Variants in PIK3C2G observed in about 807,000 individuals in gnomAD.
The protein encoded by PIK3C2G is phosphatidylinositol-4-phosphate 3-kinase catalytic subunit type 2 gamma.
A neutral mutation model predicts 181.1 loss-of-function variants in PIK3C2G; 168 were observed. The ratio of observed to expected loss-of-function variants is 0.93; its 90% CI spans 0.82 to 1.05. The LOEUF (loss-of-function observed/expected upper bound fraction) is 1.05, where lower values mean the gene tolerates loss of function less well. Among genes scored for constraint, PIK3C2G ranks in the 50% least tolerant of loss-of-function variants. The probability of loss-of-function intolerance (pLI) is 0.00; values close to 1 mark genes in which losing one functional copy is unlikely to be tolerated. For synonymous variants in PIK3C2G, 573 were observed against 592.2 expected (o/e 0.97, Z 0.47); for missense variants, 1,869 against 1,732.8 (o/e 1.08, Z -1.40).
intron 7 of PIK3C2G, among the ~76,000 whole-genome samples, chr12:18,324,048 G>C (rs973643551): frequency 2.0e-5 from 3 of 151,958 alleles, no homozygotes; most frequent in African/African-American, 7.2e-5. Flanking sequence ...GTGAAACCCC[G>C]TCTCTACTAA....
At chr12:18,359,130 G>A (rs1226187479) in intron 11 of PIK3C2G, among the ~76,000 whole-genome samples, 1 of 152,216 alleles carries the variant, frequency 6.6e-6, no homozygotes, top group Non-Finnish European at 1.5e-5. Flanking sequence ...CTCTCCTCAA[G>A]CTGTAAGCAC....
intron 18 of PIK3C2G, among the ~76,000 whole-genome samples, chr12:18,473,823 T>C (rs908478995): frequency 1.3e-5 from 2 of 152,204 alleles, no homozygotes; most frequent in African/African-American, 4.8e-5. Flanking sequence ...GGTACAGAAC[T>C]TGAATATCCT....
chr12:18,688,261 A>G, the PIK3C2G span: 1 of 1,557,608 alleles, frequency 6.4e-7, no homozygotes, highest in Non-Finnish European at 8.7e-7. Flanking sequence ...CAAGATATTA[A>G]GTTACATCAC....
At chr12:18,317,331 AT>A (rs1037531502) in intron 6 of PIK3C2G, among the ~76,000 whole-genome samples, 13 of 149,444 alleles carry the variant, frequency 8.7e-5, no homozygotes, top group East Asian at 3.9e-4. Context: ...TAGTTTCAGG[AT>A]TTTTTTTTTC....
chr12:18,566,964 G>A lies in PIK3C2G; in HGVS notation c.3918G>A (p.Trp1306Ter), dbSNP rs759134545. The change falls in exon 29 of 33, where the codon TGG (tryptophan) becomes TGA (stop). Residue 1306 changes from tryptophan (W) to a stop codon, truncating the protein, a stop_gained. Coordinates refer to ENST00000538779, the MANE Select transcript of PIK3C2G (RefSeq NM_001288772.2). LOFTEE classifies it high-confidence loss of function. ...CTTAAAACAGGTTTCCTCATTGGTG[G>A]CACCTACCTTTTACAAATTCAGATC... ...SLTLPEFPHW[W>*]HLPFTNSDHR... 5 of 1,589,070 alleles carry A rather than the reference G, an allele frequency of 3.1e-6. No homozygotes were observed. The South Asian group carries it at 4.5e-5, about 14-fold the overall frequency.
intron 24 of PIK3C2G, among the ~76,000 whole-genome samples, chr12:18,531,070 C>T (rs1423062060): frequency 6.6e-6 from 1 of 152,020 alleles, no homozygotes; most frequent in Non-Finnish European, 1.5e-5. Context: ...CTTCACATGC[C>T]TTATGTAATG....
intron 18 of PIK3C2G, among the ~76,000 whole-genome samples, chr12:18,451,197 C>G (rs1469387394): frequency 6.6e-6 from 1 of 152,112 alleles, no homozygotes; most frequent in Non-Finnish European, 1.5e-5. Context: ...ATTGATTTTT[C>G]CTATCCATGA....
At chr12:18,723,648 T>A in the PIK3C2G span, 1 of 911,216 alleles carries the variant, frequency 1.1e-6, no homozygotes, top group East Asian at 2.6e-5. Flanking sequence ...TGAAAGAAGA[T>A]GAAAATTACA....
At chr12:18,379,516 A>T (rs1942690164) in intron 13 of PIK3C2G, among the ~76,000 whole-genome samples, 1 of 152,200 alleles carries the variant, frequency 6.6e-6, no homozygotes, top group African/African-American at 2.4e-5. Flanking sequence ...AGTATAATTT[A>T]AAAAAATGCT....
intron 12 of PIK3C2G, among the ~76,000 whole-genome samples, chr12:18,368,292 T>C (rs1941785669): frequency 6.6e-6 from 1 of 152,210 alleles, no homozygotes; most frequent in South Asian, 2.1e-4. Flanking sequence ...TATAATGCGG[T>C]ATACAACCTA....
chr12:18,500,584 A>C (rs1164071967), intron 22 of PIK3C2G, among the ~76,000 whole-genome samples: 1 of 152,166 alleles, frequency 6.6e-6, no homozygotes, highest in Non-Finnish European at 1.5e-5. Flanking sequence ...TGCGAGATCC[A>C]CTGGGTGACG....
the PIK3C2G span, among the ~76,000 whole-genome samples, chr12:18,704,123 G>T: frequency 6.6e-6 from 1 of 152,152 alleles, no homozygotes; most frequent in Non-Finnish European, 1.5e-5. Context: ...TTCAGGGAAA[G>T]GAAGTGGAGG....
At chr12:18,264,083 C>G (rs1462849682) in intron 1 of PIK3C2G, among the ~76,000 whole-genome samples, 2 of 152,094 alleles carry the variant, frequency 1.3e-5, no homozygotes, top group Admixed American at 6.5e-5. Flanking sequence ...TCATTCTTTG[C>G]TTCCTACCGG....
intron 26 of PIK3C2G, among the ~76,000 whole-genome samples, chr12:18,550,337 G>T (rs143532628): frequency 0.011 from 1,639 of 152,084 alleles, 27 homozygotes; most frequent in African/African-American, 0.037. Context: ...AGCAGCCTGG[G>T]ATAATTAAAA....
intron 15 of PIK3C2G, among the ~76,000 whole-genome samples, chr12:18,392,190 T>C (rs1021798494): frequency 6.6e-6 from 1 of 152,106 alleles, no homozygotes; most frequent in South Asian, 2.1e-4. Flanking sequence ...TGAGAAGACA[T>C]AACTTGATGA....
intron 30 of PIK3C2G, among the ~76,000 whole-genome samples, chr12:18,608,538 C>T (rs1948171861): frequency 8.0e-6 from 1 of 124,568 alleles, no homozygotes. Flanking sequence ...AGGGGAGCAT[C>T]ACACACTGGG....
At chr12:18,346,183 A>G (rs11044035) in intron 10 of PIK3C2G, among the ~76,000 whole-genome samples, 17,093 of 152,166 alleles carry the variant, frequency 0.11, 1,307 homozygotes, top group Admixed American at 0.25. Context: ...AACACATTGT[A>G]TATGATTAGT....
At chr12:18,650,611 C>T (rs73056314), downstream of PIK3C2G, among the ~76,000 whole-genome samples, 24,531 of 143,450 alleles carry the variant, frequency 0.17, 2,708 homozygotes, top group African/African-American at 0.29. Flanking sequence ...AGAGCTGATA[C>T]GGGCTCACTT....
At chr12:18,499,761 G>A (rs114603884) in intron 22 of PIK3C2G, among the ~76,000 whole-genome samples, 3,004 of 152,244 alleles carry the variant, frequency 0.02, 100 homozygotes, top group African/African-American at 0.069. Context: ...GAAAGACACC[G>A]CCTCATACAA....
Sources: allele counts gnomAD v4.1 joint callset (sites outside exome capture counted in the v4.1 genomes callset), GRCh38; gene constraint gnomAD v4.1.1; transcripts MANE v1.5; gene names NCBI Gene and HGNC (gene_info 2026-07-23, HGNC 2026-07-21).